The following NMNAT1 variants were observed in gnomAD, a reference collection of about 807,000 sequenced individuals.
The protein encoded by NMNAT1 is nicotinamide/nicotinic acid mononucleotide adenylyltransferase 1.
In NMNAT1, 11 loss-of-function variants were observed where a neutral mutation model predicts 16.7. The observed-to-expected ratio is 0.66, with a 90% CI of 0.41 to 1.09. NMNAT1 has a LOEUF of 1.09. Among genes scored for constraint, NMNAT1 ranks in the 50% least tolerant of loss-of-function variants. The pLI is 0.00. For missense variants in NMNAT1, 280 were observed against 332.3 expected, an observed-to-expected ratio of 0.84 and a Z score of 1.22; for synonymous variants, 110 against 119.8, an observed-to-expected ratio of 0.92 and a Z score of 0.53.
chr1:9,965,642 A>G (rs1366749145), intron 1 of NMNAT1, among the ~76,000 whole-genome samples: 2 of 152,074 alleles, frequency 1.3e-5, no homozygotes, highest in East Asian at 3.9e-4. Context: ...ACCTCAAGCG[A>G]TCTCTCTGCT....
downstream of NMNAT1, among the ~76,000 whole-genome samples, chr1:9,989,130 A>G (rs553006280): frequency 1.3e-5 from 2 of 152,150 alleles, no homozygotes; most frequent in South Asian, 2.1e-4. Flanking sequence ...TGCCTTTTCC[A>G]TAACTACCCA....
At chr1:9,962,649 CA>C in intron 1 of NMNAT1, among the ~76,000 whole-genome samples, 3 of 136,998 alleles carry the variant, frequency 2.2e-5, no homozygotes, top group Non-Finnish European at 4.8e-5. Context: ...GTTAAGAGAT[CA>C]AATCAAGATC....
intron 1 of NMNAT1, among the ~76,000 whole-genome samples, chr1:9,946,065 TTGATAA>T (rs1640974051): frequency 6.6e-6 from 1 of 152,170 alleles, no homozygotes; most frequent in African/African-American, 2.4e-5. Context: ...TCCCCTAATT[TTGATAA>T]TGATAATCCA....
At chr1:9,977,713 A>C (rs1179402657) in intron 3 of NMNAT1, among the ~76,000 whole-genome samples, 1 of 151,910 alleles carries the variant, frequency 6.6e-6, no homozygotes, top group Non-Finnish European at 1.5e-5. Flanking sequence ...CTAAAAATAC[A>C]AAATTAGCTG....
intron 1 of NMNAT1, chr1:9,952,485 A>G (rs1397646697): frequency 1.3e-5 from 2 of 152,084 alleles, no homozygotes; most frequent in Non-Finnish European, 2.9e-5. Context: ...AAGACAGAGG[A>G]ACAGCATCAG....
intron 1 of NMNAT1, among the ~76,000 whole-genome samples, chr1:9,966,525 A>C (rs1641547981): frequency 6.6e-6 from 1 of 152,040 alleles, no homozygotes; most frequent in Non-Finnish European, 1.5e-5. Flanking sequence ...AGGCAGGAGA[A>C]TCGCTTGAAC....
chr1:9,962,751 G>C (rs548884214), intron 1 of NMNAT1, among the ~76,000 whole-genome samples: 1 of 132,580 alleles, frequency 7.5e-6, no homozygotes, highest in Non-Finnish European at 1.5e-5. Flanking sequence ...GCGCGATCTC[G>C]GCTCACTGCA....
chr1:9,951,462 T>TG (rs1409269137), intron 1 of NMNAT1, among the ~76,000 whole-genome samples: 13 of 121,612 alleles, frequency 1.1e-4, no homozygotes, highest in Admixed American at 1.9e-4. Flanking sequence ...TCAGTTTTTT[T>TG]TTGTTGTTGT....
upstream of NMNAT1, chr1:9,943,044 C>A (rs1382086306): frequency 3.5e-6 from 1 of 286,660 alleles, no homozygotes; most frequent in East Asian, 8.0e-5. Flanking sequence ...GGAGAGCACG[C>A]CTCTTCCTTG....
intron 1 of NMNAT1, among the ~76,000 whole-genome samples, chr1:9,946,161 G>C (rs1640976352): frequency 6.6e-6 from 1 of 152,148 alleles, no homozygotes; most frequent in Non-Finnish European, 1.5e-5. Context: ...TCTTCTCTGT[G>C]ACTTAGTCAT....
intron 1 of NMNAT1, among the ~76,000 whole-genome samples, chr1:9,951,045 C>G (rs897269056): frequency 4.0e-5 from 6 of 150,900 alleles, no homozygotes; most frequent in Non-Finnish European, 8.8e-5. Flanking sequence ...GCCAAGATCA[C>G]GCCACTGCAC....
At chr1:9,942,963 G>C, upstream of NMNAT1, 1 of 352,454 alleles carries the variant, frequency 2.8e-6, no homozygotes, top group Non-Finnish European at 5.6e-6. Flanking sequence ...GAGGGTCTTT[G>C]AGGAAAATCC....
intron 3 of NMNAT1, among the ~76,000 whole-genome samples, chr1:9,980,345 T>C (rs1161866276): frequency 6.6e-6 from 1 of 151,856 alleles, no homozygotes; most frequent in African/African-American, 2.4e-5. Flanking sequence ...TGATAAATAA[T>C]GTTGGCCAGG....
intron 1 of NMNAT1, among the ~76,000 whole-genome samples, chr1:9,951,741 C>T (rs554389688): frequency 1.3e-5 from 2 of 152,200 alleles, no homozygotes; most frequent in East Asian, 3.8e-4. Flanking sequence ...TTCCAAAGTA[C>T]TGGGATTAGA....
chr1:9,968,446 T>G (rs1004704395), intron 1 of NMNAT1, among the ~76,000 whole-genome samples: 6 of 150,890 alleles, frequency 4.0e-5, no homozygotes, highest in African/African-American at 1.5e-4. Context: ...GTAGGTAGTA[T>G]TATTTTCTCC....
intron 1 of NMNAT1, among the ~76,000 whole-genome samples, chr1:9,963,725 A>G (rs1641479167): frequency 6.6e-6 from 1 of 151,712 alleles, no homozygotes; most frequent in Non-Finnish European, 1.5e-5. Flanking sequence ...TTCTTTTTTG[A>G]GATGTTTGTA....
chr1:9,959,055 G>A (rs770893287), intron 1 of NMNAT1, among the ~76,000 whole-genome samples: 5 of 152,080 alleles, frequency 3.3e-5, no homozygotes, highest in African/African-American at 7.2e-5. Flanking sequence ...TTGAGATTAC[G>A]TGTACGTAGT....
At chr1:9,994,548 AG>A in the NMNAT1 span, among the ~76,000 whole-genome samples, 1 of 151,748 alleles carries the variant, frequency 6.6e-6, no homozygotes, top group Non-Finnish European at 1.5e-5. Flanking sequence ...CTCCTGCCTC[AG>A]CCTCCCACGT....
intron 1 of NMNAT1, chr1:9,950,504 T>C (rs1641081943): frequency 6.6e-6 from 1 of 152,184 alleles, no homozygotes. Flanking sequence ...TAGGTGGCAG[T>C]GCTGCTGGGA....
Sources: gnomAD v4.1 joint callset for allele counts (sites outside exome capture counted in the v4.1 genomes callset) on GRCh38, gnomAD v4.1.1 for gene constraint, MANE v1.5 for transcripts, NCBI Gene and HGNC (gene_info 2026-07-23, HGNC 2026-07-21) for gene names.